The following ALCAM variants were observed in gnomAD, a reference collection of about 807,000 sequenced individuals.
The protein encoded by ALCAM is activated leukocyte cell adhesion molecule.
ALCAM carries 30 observed loss-of-function variants against 70.9 expected under a neutral mutation model. That is an observed-to-expected ratio of 0.42 (90% CI 0.32 to 0.57). The LOEUF is 0.57. ALCAM is among the 20% of genes least tolerant of loss of function. The pLI is 0.11. For synonymous variants in ALCAM, 249 were observed against 242.5 expected (o/e 1.03, Z -0.25); for missense variants, 591 against 695.1 (o/e 0.85, Z 1.68).
chr3:105,378,532 G>A (rs955518776), intron 1 of ALCAM, among the ~76,000 whole-genome samples: 1 of 141,534 alleles, frequency 7.1e-6, no homozygotes. Context: ...TTTGATATCA[G>A]ATCTAAGAGT....
intron 14 of ALCAM, among the ~76,000 whole-genome samples, chr3:105,571,636 C>G (rs1488972390): frequency 6.6e-6 from 1 of 151,650 alleles, no homozygotes; most frequent in African/African-American, 2.4e-5. Context: ...ATTTTTTTTT[C>G]TCTTAGCATA....
chr3:105,424,897 C>T (rs1412580789), intron 1 of ALCAM, among the ~76,000 whole-genome samples: 1 of 151,622 alleles, frequency 6.6e-6, no homozygotes, highest in Non-Finnish European at 1.5e-5. Flanking sequence ...CCTCCTTCAC[C>T]TAGTAAATAA....
intron 1 of ALCAM, among the ~76,000 whole-genome samples, chr3:105,468,213 T>A (rs1937805890): frequency 6.6e-6 from 1 of 151,388 alleles, no homozygotes; most frequent in Non-Finnish European, 1.5e-5. Flanking sequence ...TTTGCCGTTC[T>A]CTTTCTCTGG....
intron 1 of ALCAM, among the ~76,000 whole-genome samples, chr3:105,398,528 T>G (rs1240409680): frequency 1.3e-5 from 2 of 152,138 alleles, no homozygotes; most frequent in Non-Finnish European, 2.9e-5. Flanking sequence ...TTTCTGATCT[T>G]TTGGTAGCCA....
At chr3:105,452,292 C>T (rs1178414409) in intron 1 of ALCAM, among the ~76,000 whole-genome samples, 24 of 152,214 alleles carry the variant, frequency 1.6e-4, no homozygotes, top group Non-Finnish European at 3.1e-4. Flanking sequence ...TTGTTCAACT[C>T]CCACTTATGA....
chr3:105,396,920 C>T (rs1262063732), intron 1 of ALCAM, among the ~76,000 whole-genome samples: 1 of 152,042 alleles, frequency 6.6e-6, no homozygotes, highest in East Asian at 1.9e-4. Context: ...TGTTAACTAT[C>T]TGTGGACTTT....
intron 1 of ALCAM, among the ~76,000 whole-genome samples, chr3:105,505,819 C>G (rs1410051040): frequency 6.6e-6 from 1 of 152,034 alleles, no homozygotes; most frequent in Non-Finnish European, 1.5e-5. Flanking sequence ...AAGATATAAC[C>G]TACACTATTC....
chr3:105,484,415 A>G (rs947806296), intron 1 of ALCAM, among the ~76,000 whole-genome samples: 1 of 152,034 alleles, frequency 6.6e-6, no homozygotes, highest in African/African-American at 2.4e-5. Flanking sequence ...CATACCCAGG[A>G]TTTTAAAGAA....
chr3:105,414,238 T>C (rs1278853170), intron 1 of ALCAM, among the ~76,000 whole-genome samples: 4 of 83,996 alleles, frequency 4.8e-5, no homozygotes, highest in Non-Finnish European at 9.5e-5. Context: ...TGAAATTCCA[T>C]CTTACAAAAA....
chr3:105,449,367 C>T (rs1295676096), intron 1 of ALCAM, among the ~76,000 whole-genome samples: 8 of 152,102 alleles, frequency 5.3e-5, no homozygotes, highest in Admixed American at 3.9e-4. Flanking sequence ...AATACAGGCA[C>T]GTTCTCCAGG....
In ALCAM at chr3:105,540,000, A is replaced by G; in HGVS notation, c.756A>G (p.Gln252=). The G allele has an allele frequency of 6.2e-7, 1 of 1,612,510 alleles. No homozygotes were observed. The highest frequency in any genetic ancestry group is 8.5e-7 in the Non-Finnish European group (1 of 1,178,906). ...IYYPTEQVTI[Q]VLPPKNAIKE... Reference sequence around the variant, plus strand: ...ATCCTACAGAGCAGGTGACAATACAAGTGCTGCCACCAAAAAATGCCATCA... The same window carrying G: ...ATCCTACAGAGCAGGTGACAATACAGGTGCTGCCACCAAAAAATGCCATCA... Residue 252 remains glutamine, a synonymous_variant, in exon 7 of 16, where the codon CAA becomes CAG. Coordinates refer to ENST00000306107, the MANE Select transcript of ALCAM (RefSeq NM_001627.4).
chr3:105,444,587 C>T (rs1211866818), intron 1 of ALCAM, among the ~76,000 whole-genome samples: 2 of 152,078 alleles, frequency 1.3e-5, no homozygotes, highest in Non-Finnish European at 1.5e-5. Context: ...TTTGAAAGGA[C>T]CTCAAAATAC....
intron 1 of ALCAM, among the ~76,000 whole-genome samples, chr3:105,398,729 G>A (rs534034206): frequency 6.6e-6 from 1 of 152,026 alleles, no homozygotes; most frequent in Non-Finnish European, 1.5e-5. Context: ...ATTAACCATA[G>A]CATGTTTAGG....
intron 1 of ALCAM, among the ~76,000 whole-genome samples, chr3:105,479,628 T>G (rs1188108795): frequency 6.6e-6 from 1 of 152,196 alleles, no homozygotes; most frequent in Non-Finnish European, 1.5e-5. Flanking sequence ...ATACAAACAT[T>G]GCATATGAAG....
intron 1 of ALCAM, among the ~76,000 whole-genome samples, chr3:105,498,428 A>G (rs2152614791): frequency 6.6e-6 from 1 of 152,306 alleles, no homozygotes; most frequent in Non-Finnish European, 1.5e-5. Flanking sequence ...CACTACATAG[A>G]GAAGAATAAT....
At chr3:105,569,539 A>G (rs939545560) in intron 14 of ALCAM, among the ~76,000 whole-genome samples, 1 of 150,898 alleles carries the variant, frequency 6.6e-6, no homozygotes, top group Non-Finnish European at 1.5e-5. Context: ...ACTTGCTTAT[A>G]AAAAAAAGCA....
chr3:105,404,714 A>G (rs557862493), intron 1 of ALCAM, among the ~76,000 whole-genome samples: 20 of 152,150 alleles, frequency 1.3e-4, no homozygotes, highest in African/African-American at 3.6e-4. Flanking sequence ...AAATAGCACG[A>G]TGAATAGAAT....
chr3:105,383,145 A>G (rs1458731423), intron 1 of ALCAM, among the ~76,000 whole-genome samples: 1 of 151,698 alleles, frequency 6.6e-6, no homozygotes, highest in Non-Finnish European at 1.5e-5. Context: ...TTCAGAACAC[A>G]GTTTATATGC....
At chr3:105,411,974 A>G (rs1470001676) in intron 1 of ALCAM, among the ~76,000 whole-genome samples, 3 of 152,126 alleles carry the variant, frequency 2.0e-5, no homozygotes, top group African/African-American at 7.2e-5. Flanking sequence ...AAACAGGAGC[A>G]AAGGCGAAAA....
Sources: gnomAD v4.1 joint callset for allele counts (sites outside exome capture counted in the v4.1 genomes callset) on GRCh38, gnomAD v4.1.1 for gene constraint, MANE v1.5 for transcripts, NCBI Gene and HGNC (gene_info 2026-07-23, HGNC 2026-07-21) for gene names.